SLC6A4: variants seen among roughly 807,000 people sequenced by gnomAD.
The protein encoded by SLC6A4 is solute carrier family 6 member 4, also known as sodium-dependent serotonin transporter.
A neutral mutation model predicts 73.4 loss-of-function variants in SLC6A4; 22 were observed. The ratio of observed to expected loss-of-function variants is 0.30; its 90% CI spans 0.21 to 0.43. SLC6A4 has a LOEUF of 0.43. Ranked by LOEUF, SLC6A4 falls within the 20% of genes least tolerant of loss-of-function variation. SLC6A4 has a pLI of 1.00. For missense variants in SLC6A4, 593 were observed against 808.5 expected (o/e 0.73, Z 3.23); for synonymous variants, 270 against 315.5 (o/e 0.86, Z 1.53).
chr17:30,199,571 T>C (rs1905966334), intron 14 of SLC6A4, among the ~76,000 whole-genome samples: 1 of 152,192 alleles, frequency 6.6e-6, no homozygotes, highest in Admixed American at 6.5e-5. Context: ...ATAGGGCCTC[T>C]ATAATTCAAA....
chr17:30,207,577 G>T (rs1238414273), intron 13 of SLC6A4, among the ~76,000 whole-genome samples, 155 bp downstream of exon 13: 1 of 152,012 alleles, frequency 6.6e-6, no homozygotes, highest in Non-Finnish European at 1.5e-5. Flanking sequence ...TTTAAGTAGA[G>T]ACGGGGTTTT....
At chr17:30,212,496 C>A (rs1906418092) in intron 9 of SLC6A4, among the ~76,000 whole-genome samples, 1 of 152,192 alleles carries the variant, frequency 6.6e-6, no homozygotes, top group South Asian at 2.1e-4. Flanking sequence ...AAGCAATCTT[C>A]CCACCTCAGC....
At chr17:30,228,965 T>C (rs930129746) in intron 1 of SLC6A4, among the ~76,000 whole-genome samples, 6 of 152,226 alleles carry the variant, frequency 3.9e-5, no homozygotes, top group African/African-American at 7.2e-5. Context: ...GTTTCCTGAC[T>C]GGGCGAGGGT....
chr17:30,194,729 A>G lies in SLC6A4; in HGVS notation c.*3727T>C, dbSNP rs565310684. Reference sequence around the variant, plus strand: ...TATGATATTTAAGCAAAAATATGGGACATCCTTCCTCACCAAATATTTTTG... The same window carrying G: ...TATGATATTTAAGCAAAAATATGGGGCATCCTTCCTCACCAAATATTTTTG... On this transcript the variant is annotated 3_prime_UTR_variant, in exon 15 of 15. Coordinates refer to ENST00000650711, the MANE Select transcript of SLC6A4 (RefSeq NM_001045.6). 2 of 152,344 alleles carry G rather than the reference A, an allele frequency of 1.3e-5. No individual in the cohort carries two copies. The highest frequency in any genetic ancestry group is 4.8e-5 in the African/African-American group (2 of 41,584). The allele number at this position is 152,344 out of a possible 1,614,324, so 9.4% of individuals were successfully genotyped here.
At chr17:30,231,899 G>A (rs1907126380) in intron 1 of SLC6A4, among the ~76,000 whole-genome samples, 1 of 152,130 alleles carries the variant, frequency 6.6e-6, no homozygotes, top group Non-Finnish European at 1.5e-5. Flanking sequence ...CATCATTACG[G>A]AGGGAAGAGA....
intron 14 of SLC6A4, among the ~76,000 whole-genome samples, chr17:30,200,102 A>G (rs965650868): frequency 6.6e-6 from 1 of 152,232 alleles, no homozygotes; most frequent in East Asian, 1.9e-4. Flanking sequence ...ACCATAGCTC[A>G]GAGAGAGAAG....
intron 1 of SLC6A4, among the ~76,000 whole-genome samples, chr17:30,229,651 C>T (rs1311601978): frequency 6.7e-6 from 1 of 148,476 alleles, no homozygotes; most frequent in Non-Finnish European, 1.5e-5. Flanking sequence ...TGGACTCCAG[C>T]GATCCTCCTG....
chr17:30,215,581 A>T, intron 8 of SLC6A4, 30 bp downstream of exon 8: 1 of 1,566,664 alleles, frequency 6.4e-7, no homozygotes, highest in Non-Finnish European at 8.8e-7. Flanking sequence ...CGCCACTTTC[A>T]AGCTTTGCTT....
chr17:30,233,455 C>A (rs1275797910), intron 1 of SLC6A4, among the ~76,000 whole-genome samples: 1 of 152,156 alleles, frequency 6.6e-6, no homozygotes, highest in African/African-American at 2.4e-5. Flanking sequence ...TAGAGTGAAA[C>A]CTGAGGGGAT....
intron 13 of SLC6A4, among the ~76,000 whole-genome samples, chr17:30,205,643 G>C (rs751441813): frequency 1.6e-4 from 24 of 152,180 alleles, no homozygotes; most frequent in Non-Finnish European, 2.8e-4. Flanking sequence ...CAGGAGCCCA[G>C]AGCTTGCACC....
chr17:30,207,242 A>G (rs1047677640), intron 13 of SLC6A4, among the ~76,000 whole-genome samples: 2 of 152,220 alleles, frequency 1.3e-5, no homozygotes, highest in East Asian at 1.9e-4. Flanking sequence ...GGGAGGGGGC[A>G]CAAGAGGGGC....
chr17:30,222,428 A>T (rs1267098848), intron 2 of SLC6A4, among the ~76,000 whole-genome samples: 1 of 152,194 alleles, frequency 6.6e-6, no homozygotes, highest in Admixed American at 6.5e-5. Context: ...GCTCAGAAGA[A>T]TGTGAGAGAG....
intron 8 of SLC6A4, 63 bp from the exon 9 acceptor site, chr17:30,212,930 C>T: frequency 2.5e-6 from 4 of 1,579,598 alleles, no homozygotes; most frequent in East Asian, 4.5e-5. Context: ...TAAGGAGCAT[C>T]TGTCCGTGTG....
chr17:30,200,166 T>C (rs1329461819), intron 14 of SLC6A4, among the ~76,000 whole-genome samples: 1 of 152,224 alleles, frequency 6.6e-6, no homozygotes, highest in Non-Finnish European at 1.5e-5. Flanking sequence ...CGTCATAAAG[T>C]CAAACACTTG....
At chr17:30,219,221 T>C (rs1325378909) in intron 3 of SLC6A4, among the ~76,000 whole-genome samples, 3 of 152,174 alleles carry the variant, frequency 2.0e-5, no homozygotes, top group Non-Finnish European at 4.4e-5. Flanking sequence ...TATGACTACC[T>C]GGAGAACGCT....
In SLC6A4 at chr17:30,210,615, A is replaced by C. The variant is rs1597636647; in HGVS notation, c.1349T>G (p.Val450Gly). The change falls in exon 11 of 15, where the codon GTG (valine) becomes GGG (glycine). Residue 450 changes from valine to glycine, a missense_variant. Physicochemically the swap from Val to Gly is moderately radical, Grantham distance 109. Transcript: ENST00000650711. The stretch of plus-strand genomic sequence containing the variant: ...CCAGACGTGTGGGAACTCATCCAGC[A>C]CAGCCGTGATCACCCCCTCCAAGCC... ...FAGLEGVITA[V>G]LDEFPHVWAK... 1 of 1,613,604 alleles carries C rather than the reference A, an allele frequency of 6.2e-7. No homozygotes were observed. The highest frequency in any genetic ancestry group is 8.5e-7 in the Non-Finnish European group (1 of 1,179,776).
chr17:30,215,840 T>G (rs1429152429), intron 7 of SLC6A4, 126 bp from the exon 8 acceptor site: 1 of 841,092 alleles, frequency 1.2e-6, no homozygotes, highest in African/African-American at 1.7e-5. Context: ...CTTTTAAGGC[T>G]CATTCCAGGC....
intron 11 of SLC6A4, 25 bp downstream of exon 11, chr17:30,210,490 C>T (rs1906349321): frequency 6.2e-7 from 1 of 1,607,832 alleles, no homozygotes; most frequent in African/African-American, 1.3e-5. Flanking sequence ...GAGGCCAACT[C>T]AAAGCTGAGG....
At chr17:30,228,800 C>T (rs967612414) in intron 1 of SLC6A4, among the ~76,000 whole-genome samples, 1 of 152,210 alleles carries the variant, frequency 6.6e-6, no homozygotes, top group African/African-American at 2.4e-5. Flanking sequence ...ATTTGTCACT[C>T]GCCATTGATT....
Sources: allele counts gnomAD v4.1 joint callset (sites outside exome capture counted in the v4.1 genomes callset), GRCh38; gene constraint gnomAD v4.1.1; transcripts MANE v1.5; gene names NCBI Gene and HGNC (gene_info 2026-07-23, HGNC 2026-07-21).